The following RGS20 variants were observed in gnomAD, a reference collection of about 807,000 sequenced individuals.
The protein encoded by RGS20 is regulator of G protein signaling 20.
Under a neutral mutation model 33.6 loss-of-function variants are expected in RGS20, and 30 were observed. That is an observed-to-expected ratio of 0.89 (90% CI 0.67 to 1.21). RGS20 has a LOEUF of 1.21. RGS20 is among the 50% of genes most tolerant of loss of function. The pLI is 0.00. For synonymous variants in RGS20, 208 were observed against 197.9 expected, an observed-to-expected ratio of 1.05 and a Z score of -0.43; for missense variants, 472 against 502.4, an observed-to-expected ratio of 0.94 and a Z score of 0.58.
intron 2 of RGS20, among the ~76,000 whole-genome samples, chr8:53,889,408 CTCTCTTTTTTTT>C (rs1812639949): frequency 2.3e-5 from 2 of 88,200 alleles, no homozygotes; most frequent in African/African-American, 1.0e-4. Context: ...TTCTCTCTCT[CTCTCTTTTTTTT>C]TTTTTTTTTT....
intron 2 of RGS20, among the ~76,000 whole-genome samples, chr8:53,917,335 G>A (rs1211116137): frequency 1.3e-5 from 2 of 152,100 alleles, no homozygotes; most frequent in South Asian, 2.1e-4. Flanking sequence ...TTTCAGTAGA[G>A]ACAGGGTTTC....
chr8:53,869,053 A>G (rs1264765886), intron 1 of RGS20, among the ~76,000 whole-genome samples: 1 of 152,156 alleles, frequency 6.6e-6, no homozygotes, highest in Admixed American at 6.5e-5. Context: ...GCGCCTGGAA[A>G]CAAATACAAT....
At chr8:53,924,668 A>G (rs1394881770) in intron 2 of RGS20, among the ~76,000 whole-genome samples, 1 of 152,066 alleles carries the variant, frequency 6.6e-6, no homozygotes, top group East Asian at 1.9e-4. Context: ...TTTGTTGTTG[A>G]TCTTTTTTCT....
At chr8:53,951,137 C>T (rs1814699026) in intron 4 of RGS20, among the ~76,000 whole-genome samples, 1 of 152,106 alleles carries the variant, frequency 6.6e-6, no homozygotes, top group South Asian at 2.1e-4. Flanking sequence ...GGGAGATTGC[C>T]ACATTCCTTT....
At chr8:53,924,436 C>T (rs1037565394) in intron 2 of RGS20, among the ~76,000 whole-genome samples, 4 of 152,032 alleles carry the variant, frequency 2.6e-5, no homozygotes, top group Non-Finnish European at 1.5e-5. Flanking sequence ...GATCTACCCC[C>T]CTTGGCCTCC....
chr8:53,878,143 T>C (rs1812249686), intron 1 of RGS20, among the ~76,000 whole-genome samples: 1 of 152,208 alleles, frequency 6.6e-6, no homozygotes, highest in South Asian at 2.1e-4. Flanking sequence ...ACCGCTCTTG[T>C]TTTTCACAGA....
At chr8:53,938,318 G>A (rs1814194305) in intron 2 of RGS20, among the ~76,000 whole-genome samples, 1 of 152,176 alleles carries the variant, frequency 6.6e-6, no homozygotes, top group Non-Finnish European at 1.5e-5. Flanking sequence ...TCGCTCATAA[G>A]TGGGAATTAA....
intron 2 of RGS20, 146 bp from the exon 1 acceptor site, chr8:53,880,726 G>T: frequency 3.3e-6 from 2 of 597,248 alleles, no homozygotes; most frequent in South Asian, 4.2e-5. Context: ...GAGCAGTGGG[G>T]CTGCGGCCGG....
At chr8:53,911,616 T>TAA (rs1813348803) in intron 2 of RGS20, among the ~76,000 whole-genome samples, 1 of 152,154 alleles carries the variant, frequency 6.6e-6, no homozygotes, top group East Asian at 1.9e-4. Context: ...GAAAAGGTGT[T>TAA]ATGAGATTTG....
intron 2 of RGS20, among the ~76,000 whole-genome samples, chr8:53,936,316 T>C (rs1814133772): frequency 6.6e-6 from 1 of 152,168 alleles, no homozygotes; most frequent in African/African-American, 2.4e-5. Flanking sequence ...ATTATCTCTG[T>C]TTGCAGATGA....
chr8:53,946,534 A>C (rs747207599), intron 3 of RGS20, 131 bp from the exon 3 acceptor site: 1 of 814,166 alleles, frequency 1.2e-6, no homozygotes, highest in South Asian at 1.5e-5. Context: ...AACTGGGGTC[A>C]TTTTTTTTTC....
chr8:53,915,043 G>A (rs910088658), intron 2 of RGS20, among the ~76,000 whole-genome samples: 3 of 152,002 alleles, frequency 2.0e-5, no homozygotes, highest in African/African-American at 7.3e-5. Flanking sequence ...TACTTGAGAG[G>A]CTGAGGCAGG....
chr8:53,949,954 C>T (rs1814661972), intron 4 of RGS20, among the ~76,000 whole-genome samples: 1 of 151,652 alleles, frequency 6.6e-6, no homozygotes, highest in African/African-American at 2.4e-5. Context: ...ATTCTCATGC[C>T]TTAGCCTCCC....
chr8:53,863,749 CAG>C (rs888658021), intron 1 of RGS20, among the ~76,000 whole-genome samples: 2 of 119,676 alleles, frequency 1.7e-5, no homozygotes, highest in African/African-American at 6.6e-5. Context: ...TTTTTTTTGG[CAG>C]AGTCTCACTT....
At chr8:53,886,794 C>A (rs1439455983) in intron 2 of RGS20, among the ~76,000 whole-genome samples, 1 of 152,192 alleles carries the variant, frequency 6.6e-6, no homozygotes, top group Non-Finnish European at 1.5e-5. Context: ...ACTAAGGACA[C>A]TGGGGACTTT....
chr8:53,933,124 CA>C (rs1186567120), intron 2 of RGS20, among the ~76,000 whole-genome samples: 3 of 152,190 alleles, frequency 2.0e-5, no homozygotes, highest in African/African-American at 4.8e-5. Flanking sequence ...CATCAAAAAC[CA>C]AAGGTAGATA....
chr8:53,935,045 A>G (rs1814090139), intron 2 of RGS20, among the ~76,000 whole-genome samples: 1 of 152,218 alleles, frequency 6.6e-6, no homozygotes. Flanking sequence ...AAAAATAAAT[A>G]AGTTTTTTGA....
intron 3 of RGS20, among the ~76,000 whole-genome samples, chr8:53,943,807 C>T (rs1052921070): frequency 2.2e-4 from 33 of 152,062 alleles, no homozygotes; most frequent in Non-Finnish European, 4.4e-5. Flanking sequence ...ATGTGTTTTG[C>T]TTACAAAAGA....
chr8:53,873,373 A>G (rs940489095), intron 1 of RGS20, among the ~76,000 whole-genome samples: 1 of 152,184 alleles, frequency 6.6e-6, no homozygotes, highest in African/African-American at 2.4e-5. Flanking sequence ...TTATGTATCC[A>G]CCAAACAATC....
Sources: allele counts gnomAD v4.1 joint callset (sites outside exome capture counted in the v4.1 genomes callset), GRCh38; gene constraint gnomAD v4.1.1; transcripts MANE v1.5; gene names NCBI Gene and HGNC (gene_info 2026-07-23, HGNC 2026-07-21).